The following LRRFIP2 variants were observed in gnomAD, a reference collection of about 807,000 sequenced individuals.
The protein encoded by LRRFIP2 is LRR binding FLII interacting protein 2.
A neutral mutation model predicts 125.9 loss-of-function variants in LRRFIP2; 109 were observed. The observed-to-expected ratio is 0.87, with a 90% confidence interval of 0.74 to 1.01. The LOEUF (loss-of-function observed/expected upper bound fraction) is 1.01. LRRFIP2 is among the 50% of genes least tolerant of loss of function. The pLI, the probability that LRRFIP2 is intolerant of heterozygous loss-of-function variation, is 0.00. For synonymous variants in LRRFIP2, 291 were observed against 293.1 expected, an observed-to-expected ratio of 0.99 and a Z score of 0.07; for missense variants, 850 against 862.3, an observed-to-expected ratio of 0.99 and a Z score of 0.18.
intron 6 of LRRFIP2, among the ~76,000 whole-genome samples, chr3:37,118,601 A>T (rs1039016804): frequency 6.6e-6 from 1 of 152,220 alleles, no homozygotes; most frequent in Admixed American, 6.5e-5. Flanking sequence ...TTTTATACAT[A>T]ATGTCTATAG....
chr3:37,134,333 TAAGA>T (rs965671160), intron 2 of LRRFIP2, among the ~76,000 whole-genome samples: 16 of 152,308 alleles, frequency 1.1e-4, no homozygotes, highest in Middle Eastern at 3.4e-3. Flanking sequence ...TAATGGACAC[TAAGA>T]AAGAACTTCT....
chr3:37,105,580 CATT>C, intron 13 of LRRFIP2, 57 bp from the exon 14 acceptor site: 2 of 1,270,810 alleles, frequency 1.6e-6, no homozygotes, highest in Non-Finnish European at 2.3e-6. Flanking sequence ...GGTGTTACCT[CATT>C]ATAAGTACAT....
At chr3:37,134,965 T>G in intron 2 of LRRFIP2, 2 of 1,504,606 alleles carry the variant, frequency 1.3e-6, no homozygotes, top group Non-Finnish European at 1.8e-6. Context: ...TTTCTAAAGT[T>G]CTTTTATCCA....
Position 37,053,747 on chromosome 3 carries a change from ACAAAACT to A in LRRFIP2, c.*97_*103del. On this transcript the variant is annotated 3_prime_UTR_variant, in exon 28 of 28. Coordinates refer to ENST00000336686, the MANE Select transcript of LRRFIP2 (RefSeq NM_006309.4). ...AAATACAAAGGTGGCTGTTTTAATG[ACAAAACT>A]CAAAACAGTACTAAAAGGGGTTTGT... The A allele has an allele frequency of 1.4e-6, 1 of 706,758 alleles. No homozygotes were observed. The highest frequency in any genetic ancestry group is 2.5e-6 in the Non-Finnish European group (1 of 394,438). 43.8% of individuals were successfully genotyped at this position (706,758 alleles called of 1,614,324 possible).
Position 37,053,836 on chromosome 3 carries a change from T to A in LRRFIP2, c.*15A>T. On this transcript the variant is annotated 3_prime_UTR_variant, in exon 28 of 28. Transcript: ENST00000336686. ...GGGCCCCAAGGAGCATCACCCAGGT[T>A]GAAGGGTGGTTTTCCTACTGCTGGG... The A allele has an allele frequency of 6.3e-7, 1 of 1,576,162 alleles. No homozygotes were observed. The highest frequency in any genetic ancestry group is 8.7e-7 in the Non-Finnish European group (1 of 1,145,350).
At chr3:37,145,386 C>CA (rs1426715331) in intron 2 of LRRFIP2, among the ~76,000 whole-genome samples, 3 of 152,074 alleles carry the variant, frequency 2.0e-5, no homozygotes, top group Non-Finnish European at 4.4e-5. Context: ...TACATTTAAC[C>CA]AAAAATACTA....
rs59647339 is a variant in LRRFIP2, at chr3:37,156,673, C to CAAAAAAAAA, written c.-55-7644_-55-7636dup. Among the ~76,000 whole-genome samples, 13 of 30,584 alleles carry CAAAAAAAAA rather than the reference C, an allele frequency of 4.3e-4. 2 individuals carry two copies. The highest frequency in any genetic ancestry group is 5.4e-4 in the Non-Finnish European group (11 of 20,506). The allele number at this position is 30,584 out of a possible 152,430, so 20.1% of individuals were successfully genotyped here. On this transcript the variant is annotated intron_variant, in intron 1 of 27. Transcript: ENST00000336686. ...TGGGCGACAGAGCGAGACTCAGTAT[C>CAAAAAAAAA]AAAAAAAAAAAAAAAAAAAAAAAAA...
chr3:37,106,607 A>C (rs180884323), intron 13 of LRRFIP2, among the ~76,000 whole-genome samples: 28 of 152,304 alleles, frequency 1.8e-4, no homozygotes, highest in African/African-American at 6.7e-4. Flanking sequence ...CAAGAGTTCA[A>C]ATCTAGCAGG....
chr3:37,078,781 T>A, intron 19 of LRRFIP2, among the ~76,000 whole-genome samples: 1 of 152,124 alleles, frequency 6.6e-6, no homozygotes, highest in East Asian at 1.9e-4. Context: ...ATGTACAAGA[T>A]GAGACTGGGA....
chr3:37,138,148 A>G (rs1309438039), intron 2 of LRRFIP2, among the ~76,000 whole-genome samples: 2 of 152,274 alleles, frequency 1.3e-5, no homozygotes, highest in African/African-American at 4.8e-5. Context: ...AAATGTCTCA[A>G]AGTAAAACGT....
At chr3:37,141,472 T>G (rs1201456044) in intron 2 of LRRFIP2, among the ~76,000 whole-genome samples, 2 of 152,214 alleles carry the variant, frequency 1.3e-5, no homozygotes, top group African/African-American at 4.8e-5. Context: ...ATAGAGCTCT[T>G]AGAAGGCAAT....
At chr3:37,069,677 T>G (rs1007092827) in intron 21 of LRRFIP2, among the ~76,000 whole-genome samples, 2 of 152,204 alleles carry the variant, frequency 1.3e-5, no homozygotes, top group East Asian at 1.9e-4. Context: ...GCCACTGAAC[T>G]GTACACTTAA....
intron 2 of LRRFIP2, among the ~76,000 whole-genome samples, chr3:37,138,151 T>C (rs1348316225): frequency 1.3e-5 from 2 of 152,216 alleles, no homozygotes; most frequent in Non-Finnish European, 1.5e-5. Context: ...TGTCTCAAAG[T>C]AAAACGTGAT....
At chr3:37,109,176 G>C (rs2094457960) in intron 11 of LRRFIP2, among the ~76,000 whole-genome samples, 1 of 152,116 alleles carries the variant, frequency 6.6e-6, no homozygotes, top group South Asian at 2.1e-4. Context: ...TTAGATCCTA[G>C]TATCAGAGGC....
rs1576417249 is a variant in LRRFIP2 at position 37,091,607 on chromosome 3, A to C, written c.1036-69T>G. 3.6e-6 allele frequency: 4 copies of C among 1,114,624 alleles called. No individual in the cohort carries two copies. In the East Asian group the frequency reaches 9.8e-5, roughly 27 times the overall value. 69.0% of individuals were successfully genotyped at this position (1,114,624 alleles called of 1,614,324 possible). Reference sequence around the variant, plus strand: ...ACGTATCTTAAATCGCAAAGGATTCAGATGAAATGTGACTCACTTTTGTAT... The same window carrying C: ...ACGTATCTTAAATCGCAAAGGATTCCGATGAAATGTGACTCACTTTTGTAT... On this transcript the variant is annotated intron_variant, in intron 17 of 27. Coordinates refer to ENST00000336686, the MANE Select transcript of LRRFIP2 (RefSeq NM_006309.4).
chr3:37,113,026 G>T, intron 7 of LRRFIP2, 46 bp from the exon 8 acceptor site: 1 of 1,087,680 alleles, frequency 9.2e-7, no homozygotes. Flanking sequence ...GCATAGCGAA[G>T]TTATGAAAAT....
intron 21 of LRRFIP2, chr3:37,066,826 G>T (rs1407275392): frequency 1.3e-5 from 2 of 153,528 alleles, no homozygotes; most frequent in African/African-American, 4.8e-5. Context: ...AATATTGGCT[G>T]TAGATTTTTC....
chr3:37,164,273 C>A (rs1353262139), intron 1 of LRRFIP2, among the ~76,000 whole-genome samples: 1 of 152,090 alleles, frequency 6.6e-6, no homozygotes, highest in African/African-American at 2.4e-5. Context: ...ATGAAAACAC[C>A]AACTATTGAT....
rs758373917 is a variant in LRRFIP2 at position 37,112,976 on chromosome 3, T to C, written c.377A>G (p.His126Arg). 1.3e-6 allele frequency: 2 copies of C among 1,566,064 alleles called. No homozygotes were observed. Among genetic ancestry groups the C allele is most frequent in the Non-Finnish European group, 1.7e-6 (2 of 1,143,184 alleles). Residue 126 changes from histidine to arginine, a missense_variant, in exon 8 of 28, where the codon CAT (histidine) becomes CGT (arginine). By Grantham distance (29) the His-to-Arg change is conservative. Transcript: ENST00000336686. ...CATTCCATGAGAGTGACTGTAAGAA[T>C]GATTCTGGAAGTAAATATTCCAAGT... ...DRSSRLSSLN[H>R]SYSHSHGMKK...
Sources: gnomAD v4.1 joint callset for allele counts (sites outside exome capture counted in the v4.1 genomes callset) on GRCh38, gnomAD v4.1.1 for gene constraint, MANE v1.5 for transcripts, NCBI Gene and HGNC (gene_info 2026-07-23, HGNC 2026-07-21) for gene names.